The following CFAP99 variants were observed in gnomAD, a reference collection of about 807,000 sequenced individuals.
The protein encoded by CFAP99 is cilia- and flagella-associated protein 99.
Under a neutral mutation model 82.7 loss-of-function variants are expected in CFAP99, and 84 were observed. The ratio of observed to expected loss-of-function variants is 1.02; its 90% CI spans 0.85 to 1.22. CFAP99 has a LOEUF of 1.22. CFAP99 is among the 50% of genes most tolerant of loss of function. CFAP99 has a pLI of 0.00. For missense variants in CFAP99, 1,059 were observed against 983.5 expected, an observed-to-expected ratio of 1.08 and a Z score of -1.03; for synonymous variants, 456 against 429.5, an observed-to-expected ratio of 1.06 and a Z score of -0.76.
chr4:2,437,650 T>A (rs1200420771), intron 3 of CFAP99, among the ~76,000 whole-genome samples: 7 of 152,206 alleles, frequency 4.6e-5, no homozygotes, highest in African/African-American at 1.7e-4. Flanking sequence ...GCCACCCAGC[T>A]GGAGCCTTAT....
chr4:2,459,075 C>T (rs527302629), intron 12 of CFAP99, 32 bp from the exon 13 acceptor site: 70 of 1,480,876 alleles, frequency 4.7e-5, no homozygotes, highest in East Asian at 2.5e-4. Flanking sequence ...TGCCACCCAC[C>T]AGCCACCTCA....
rs1442902165 is a variant in CFAP99, at chr4:2,446,644, C to T, written c.642+1336C>T. 2.0e-5 allele frequency among the ~76,000 whole-genome samples: 3 copies of T among 152,224 alleles called. No homozygotes were observed. The highest frequency in any genetic ancestry group is 4.4e-5 in the Non-Finnish European group (3 of 68,044). On this transcript the variant is annotated intron_variant, in intron 6 of 14. Coordinates refer to ENST00000635017, the Ensembl canonical transcript of CFAP99. The surrounding 1 kb of genome is among the most constrained non-coding windows in gnomAD (Gnocchi z 5.0). ...ACCTCAGGTGATCTGCCCACCTAGG[C>T]CTCCCAAAGTGCTGGGATTACAGGC...
intron 6 of CFAP99, 147 bp downstream of exon 6, chr4:2,445,455 AC>A: frequency 1.4e-6 from 1 of 713,304 alleles, no homozygotes; most frequent in Non-Finnish European, 1.9e-6. Flanking sequence ...AAATGACCCC[AC>A]CCCACCCCCA....
At chr4:2,440,149 C>CTTTTTTTTTTT (rs1253819268) in intron 4 of CFAP99, among the ~76,000 whole-genome samples, 7 of 104,036 alleles carry the variant, frequency 6.7e-5, no homozygotes, top group East Asian at 3.1e-4. Flanking sequence ...GCTTGACATT[C>CTTTTTTTTTTT]TTTTTTTTTT....
intron 6 of CFAP99, among the ~76,000 whole-genome samples, chr4:2,447,897 G>A (rs1312374805): frequency 6.7e-6 from 1 of 148,162 alleles, no homozygotes; most frequent in East Asian, 2.1e-4. Context: ...ACATGGGTGA[G>A]TAGATGAATG....
rs145976688 is a variant in CFAP99 at position 2,421,082 on chromosome 4, A to G, written c.-18+1989A>G. 6.1e-3 allele frequency among the ~76,000 whole-genome samples: 930 copies of G among 152,360 alleles called. 4 individuals carry two copies. Among genetic ancestry groups the G allele is most frequent in the Middle Eastern group, 0.02 (6 of 294 alleles). On this transcript the variant is annotated intron_variant, in intron 1 of 14. Coordinates refer to ENST00000635017, the Ensembl canonical transcript of CFAP99. ...AAGGGGTAGTGGAGATTGAAAAGCA[A>G]CTAGCAAAAGCTGCCACGTGGGGTT...
intron 11 of CFAP99, among the ~76,000 whole-genome samples, chr4:2,455,940 G>A (rs749852900): frequency 2.0e-5 from 3 of 152,118 alleles, no homozygotes; most frequent in Non-Finnish European, 2.9e-5. Context: ...GTTTCTGCTT[G>A]AGGTCCTAGT....
chr4:2,429,916 C>T (rs1733765682), intron 2 of CFAP99, among the ~76,000 whole-genome samples: 1 of 152,154 alleles, frequency 6.6e-6, no homozygotes. Context: ...AAAAGCCCCT[C>T]ACAAGTCCGA....
chr4:2,445,353 G>C lies in CFAP99; in HGVS notation c.642+45G>C. 3 of 1,282,262 alleles carry C rather than the reference G, an allele frequency of 2.3e-6. No homozygotes were observed. In the South Asian group the frequency reaches 8.1e-5, roughly 35 times the overall value. 79.4% of individuals were successfully genotyped at this position (1,282,262 alleles called of 1,614,324 possible). A position where few individuals can be genotyped will look rare whatever the true frequency, so the allele number is the denominator to read the frequency against. On this transcript the variant is annotated intron_variant, in intron 6 of 14. Transcript: ENST00000635017. ...GCAGGCACTGGCTTGCAGGCATCAG[G>C]GTAGCCAAGCTGGGAGAGTGGACTG...
chr4:2,439,258 A>G (rs912502245), intron 4 of CFAP99, among the ~76,000 whole-genome samples: 1 of 152,206 alleles, frequency 6.6e-6, no homozygotes, highest in Non-Finnish European at 1.5e-5. Context: ...GCCCAATGTC[A>G]CACAGCAAGA....
chr4:2,421,350 C>CCTTT (rs548093654), intron 1 of CFAP99, among the ~76,000 whole-genome samples: 1 of 96,984 alleles, frequency 1.0e-5, no homozygotes, highest in African/African-American at 4.0e-5. Flanking sequence ...TCTGCCCACC[C>CCTTT]TTTTTTTTTT....
At chr4:2,422,231 T>C (rs1005453153) in intron 1 of CFAP99, among the ~76,000 whole-genome samples, 2 of 152,200 alleles carry the variant, frequency 1.3e-5, no homozygotes, top group African/African-American at 4.8e-5. Context: ...TACATTCACC[T>C]TCACATACAC....
At chr4:2,454,001 G>GT (rs954841387) in intron 11 of CFAP99, among the ~76,000 whole-genome samples, 5 of 148,258 alleles carry the variant, frequency 3.4e-5, no homozygotes, top group South Asian at 2.1e-4. Flanking sequence ...TTGGTTTTTG[G>GT]TTTTTTTTTC....
intron 2 of CFAP99, among the ~76,000 whole-genome samples, chr4:2,434,200 C>G (rs1733861791): frequency 6.6e-6 from 1 of 152,206 alleles, no homozygotes; most frequent in African/African-American, 2.4e-5. Context: ...CCGGGAAAGG[C>G]CCAGCGGCAG....
In CFAP99 at chr4:2,449,946, A is replaced by G. The variant is rs749409559; in HGVS notation, c.736A>G (p.Arg246Gly). ...GTCACTGTGGCAGGAGCTGCTGCTG[A>G]GGGCAAACATCGAGGAACTGCGCTG... Residue 246 changes from arginine to glycine, a missense_variant, in exon 8 of 15, where the codon AGG (arginine) becomes GGG (glycine). By Grantham distance (125) the Arg-to-Gly change is moderately radical. Transcript: ENST00000635017. The G allele has an allele frequency of 3.3e-6, 5 of 1,536,026 alleles. No individual in the cohort carries two copies. The South Asian group carries it at 4.8e-5, about 15-fold the overall frequency.
At chr4:2,458,649 C>T in intron 11 of CFAP99, 74 bp from the exon 12 acceptor site, 2 of 1,478,908 alleles carry the variant, frequency 1.4e-6, no homozygotes, top group Non-Finnish European at 1.8e-6. Context: ...CATGCTGCGC[C>T]CTGGGCTGGG....
intron 14 of CFAP99, among the ~76,000 whole-genome samples, chr4:2,460,497 C>T (rs1734597488): frequency 6.6e-6 from 1 of 152,194 alleles, no homozygotes; most frequent in African/African-American, 2.4e-5. Flanking sequence ...GCTCATGGGT[C>T]CAACCTTTCA....
intron 8 of CFAP99, 91 bp from the exon 9 acceptor site, chr4:2,450,856 A>C: frequency 9.1e-7 from 1 of 1,101,514 alleles, no homozygotes; most frequent in South Asian, 1.3e-5. Flanking sequence ...AGGCCTCCCC[A>C]GGGTGCTGGG....
In CFAP99 at chr4:2,462,912, C is replaced by G; in HGVS notation, c.2131C>G (p.Leu711Val). Residue 711 changes from leucine to valine, a missense_variant, in exon 15 of 15, where the codon CTG (leucine) becomes GTG (valine). Leu to Val is a conservative substitution (Grantham distance 32). Transcript: ENST00000635017. The surrounding 1 kb of genome is among the most constrained non-coding windows in gnomAD (Gnocchi z 4.1). ...CTCAGGACCCGGGCCCGCGCGCCGC[C>G]TGGAGGCCGCCTGAGCCGGGCCGAG... 1 of 1,306,744 alleles carries G rather than the reference C, an allele frequency of 7.7e-7. No individual in the cohort carries two copies. 80.9% of individuals were successfully genotyped at this position (1,306,744 alleles called of 1,614,324 possible).
Sources: allele counts gnomAD v4.1 joint callset (sites outside exome capture counted in the v4.1 genomes callset), GRCh38; gene constraint gnomAD v4.1.1; non-coding constraint Gnocchi (gnomAD v3.1); transcripts MANE v1.5; gene names NCBI Gene and HGNC (gene_info 2026-07-23, HGNC 2026-07-21).